The following DNM2 variants were observed in gnomAD, a reference collection of about 807,000 sequenced individuals.
DNM2 encodes the protein dynamin-2.
In DNM2, 15 loss-of-function variants were observed where a neutral mutation model predicts 99.0. The ratio of observed to expected loss-of-function variants is 0.15; its 90% CI spans 0.10 to 0.23. The LOEUF (loss-of-function observed/expected upper bound fraction) is 0.23. DNM2 is among the 10% of genes least tolerant of loss of function. The probability of loss-of-function intolerance (pLI) is 1.00; values close to 1 mark genes in which losing one functional copy is unlikely to be tolerated. For synonymous variants in DNM2, 525 were observed against 481.2 expected (o/e 1.09, Z -1.19); for missense variants, 742 against 1,189.4 (o/e 0.62, Z 5.53).
At chr19:10,819,820 T>A (rs1451492625) in intron 15 of DNM2, among the ~76,000 whole-genome samples, 160 bp from the exon 16 acceptor site, 1 of 151,704 alleles carries the variant, frequency 6.6e-6, no homozygotes, top group Non-Finnish European at 1.5e-5. Flanking sequence ...TGGGACAGAG[T>A]GACGGACGGG....
At chr19:10,727,745 CG>C (rs2069161080) in intron 1 of DNM2, among the ~76,000 whole-genome samples, 1 of 152,082 alleles carries the variant, frequency 6.6e-6, no homozygotes, top group Admixed American at 6.6e-5. Context: ...GTCTCGCTGT[CG>C]CTCTCAGCGT....
chr19:10,739,023 C>T (rs757592154), intron 1 of DNM2, among the ~76,000 whole-genome samples: 1 of 151,934 alleles, frequency 6.6e-6, no homozygotes, highest in African/African-American at 2.4e-5. Context: ...AAAAGATTAG[C>T]GGGGCGTGGT....
intron 11 of DNM2, among the ~76,000 whole-genome samples, chr19:10,801,803 G>T (rs2072153301): frequency 6.7e-6 from 1 of 149,734 alleles, no homozygotes; most frequent in Admixed American, 6.6e-5. Context: ...TATTTGGGAG[G>T]CTGAGGCAGG....
Position 10,790,111 on chromosome 19 carries a change from G to A in DNM2, c.992+3405G>A, listed in dbSNP as rs139820471. On this transcript the variant is annotated intron_variant, in intron 7 of 20. Coordinates refer to ENST00000389253, the MANE Select transcript of DNM2 (RefSeq NM_001005361.3). Reference sequence around the variant, plus strand: ...CCAAGGTCCTCATGCAGACATGGGCGGTCTTTCTCGGTTCACGCCTTACAA... The same window carrying A: ...CCAAGGTCCTCATGCAGACATGGGCAGTCTTTCTCGGTTCACGCCTTACAA... Among the ~76,000 whole-genome samples, 78 of 152,252 alleles carry A rather than the reference G, an allele frequency of 5.1e-4. No individual in the cohort carries two copies. The Middle Eastern group carries it at 0.01, about 20-fold the overall frequency.
chr19:10,743,809 C>CAAAAAAAAA (rs35999203), intron 1 of DNM2, among the ~76,000 whole-genome samples: 21 of 32,654 alleles, frequency 6.4e-4, no homozygotes, highest in African/African-American at 2.9e-3. Flanking sequence ...GACTCTGTCT[C>CAAAAAAAAA]AAAAAAAAAA....
At chr19:10,797,866 A>G (rs562816533) in intron 10 of DNM2, among the ~76,000 whole-genome samples, 14 of 152,306 alleles carry the variant, frequency 9.2e-5, no homozygotes, top group Non-Finnish European at 1.6e-4. Context: ...ATGTTCTCAC[A>G]GTCTAGGCCA....
chr19:10,830,007 C>T lies in DNM2; in HGVS notation c.2292-120C>T. 1 of 1,448,258 alleles carries T rather than the reference C, an allele frequency of 6.9e-7. No individual in the cohort carries two copies. Among genetic ancestry groups the T allele is most frequent in the Non-Finnish European group, 9.7e-7 (1 of 1,031,118 alleles). 89.7% of individuals were successfully genotyped at this position (1,448,258 alleles called of 1,614,324 possible). ...GCGCTCAGGTTGGGGTGGGAGGATCCCACTGCGCCTGCGCTGTCCCCATAG... is the reference window on the plus strand; with the variant it reads ...GCGCTCAGGTTGGGGTGGGAGGATCTCACTGCGCCTGCGCTGTCCCCATAG... On this transcript the variant is annotated intron_variant, in intron 19 of 20. Coordinates refer to ENST00000389253, the MANE Select transcript of DNM2 (RefSeq NM_001005361.3). The surrounding 1 kb of genome is among the most constrained non-coding windows in gnomAD (Gnocchi z 4.8).
intron 6 of DNM2, among the ~76,000 whole-genome samples, chr19:10,785,248 GCTGGGA>G (rs2071519315): frequency 6.6e-6 from 1 of 152,002 alleles, no homozygotes; most frequent in Admixed American, 6.6e-5. Flanking sequence ...CTCCCGAGTA[GCTGGGA>G]CTATAGGCAC....
intron 1 of DNM2, among the ~76,000 whole-genome samples, chr19:10,758,947 CT>C (rs552473226): frequency 5.4e-5 from 8 of 149,224 alleles, no homozygotes; most frequent in Middle Eastern, 3.4e-3. Flanking sequence ...TTTTACAGTC[CT>C]TTTTTTTTTC....
intron 2 of DNM2, among the ~76,000 whole-genome samples, chr19:10,771,972 G>C (rs2070995272): frequency 1.3e-5 from 2 of 151,932 alleles, no homozygotes; most frequent in African/African-American, 4.8e-5. Context: ...AGGAACCCCC[G>C]CCTCCCCCAA....
At chr19:10,746,359 G>C (rs890365328) in intron 1 of DNM2, among the ~76,000 whole-genome samples, 10 of 152,172 alleles carry the variant, frequency 6.6e-5, no homozygotes, top group Non-Finnish European at 1.2e-4. Context: ...GGGGGCACTT[G>C]GGAACTGTCA....
At chr19:10,803,949 G>A (rs932076286) in intron 12 of DNM2, among the ~76,000 whole-genome samples, 1 of 152,198 alleles carries the variant, frequency 6.6e-6, no homozygotes, top group African/African-American at 2.4e-5. Context: ...TAGACTATGG[G>A]AAAGGGGAGC....
At chr19:10,753,936 C>A (rs115610101) in intron 1 of DNM2, among the ~76,000 whole-genome samples, 21 of 152,134 alleles carry the variant, frequency 1.4e-4, no homozygotes, top group African/African-American at 5.1e-4. Flanking sequence ...GGATTACAGG[C>A]GTGAGCCATT....
In DNM2 at chr19:10,764,851, C is replaced by T. The variant is rs1016245374; in HGVS notation, c.235+5040C>T. ...CTCACTGTGCTGCCTGCCTGGAACG[C>T]CCTGTTCCCTACCTGCCACTGTCTG... On this transcript the variant is annotated intron_variant, in intron 2 of 20. Transcript: ENST00000389253. The surrounding 1 kb of genome is among the most constrained non-coding windows in gnomAD (Gnocchi z 4.1). Among the ~76,000 whole-genome samples the T allele has an allele frequency of 3.1e-4, 47 of 152,212 alleles. No individual in the cohort carries two copies. Among genetic ancestry groups the T allele is most frequent in the Non-Finnish European group, 5.4e-4 (37 of 68,032 alleles).
intron 6 of DNM2, among the ~76,000 whole-genome samples, chr19:10,786,093 C>T (rs753988639): frequency 6.6e-6 from 1 of 152,234 alleles, no homozygotes; most frequent in African/African-American, 2.4e-5. Context: ...TACCACCATG[C>T]CTGGCCCACA....
intron 16 of DNM2, among the ~76,000 whole-genome samples, chr19:10,821,377 G>A (rs2072962647): frequency 6.6e-6 from 1 of 152,106 alleles, no homozygotes; most frequent in Admixed American, 6.6e-5. Flanking sequence ...AAGATAAGAT[G>A]GTTGATAGTT....
At chr19:10,760,625 T>C (rs1470088092) in intron 2 of DNM2, among the ~76,000 whole-genome samples, 1 of 151,958 alleles carries the variant, frequency 6.6e-6, no homozygotes, top group African/African-American at 2.4e-5. Flanking sequence ...TGTAATCTCT[T>C]CTTCTCTTTT....
At chr19:10,733,272 A>G (rs1189568202) in intron 1 of DNM2, among the ~76,000 whole-genome samples, 1 of 144,562 alleles carries the variant, frequency 6.9e-6, no homozygotes, top group African/African-American at 2.6e-5. Context: ...GCTTACTGCA[A>G]CCTCCCCCTC....
chr19:10,792,201 G>A (rs1427605578), intron 7 of DNM2, among the ~76,000 whole-genome samples: 2 of 152,226 alleles, frequency 1.3e-5, no homozygotes, highest in East Asian at 3.8e-4. Context: ...TTCATGTGAG[G>A]AAAGAGATTT....
Sources: allele counts gnomAD v4.1 joint callset (sites outside exome capture counted in the v4.1 genomes callset), GRCh38; gene constraint gnomAD v4.1.1; non-coding constraint Gnocchi (gnomAD v3.1); transcripts MANE v1.5; gene names NCBI Gene and HGNC (gene_info 2026-07-23, HGNC 2026-07-21).